The following HCN2 variants were observed in gnomAD, a reference collection of about 807,000 sequenced individuals.
HCN2 encodes the protein potassium/sodium hyperpolarization-activated cyclic nucleotide-gated channel 2.
In HCN2, 20 loss-of-function variants were observed where a neutral mutation model predicts 52.3. The observed-to-expected ratio is 0.38, with a 90% CI of 0.27 to 0.56. The LOEUF is 0.56. Among genes scored for constraint, HCN2 ranks in the 20% least tolerant of loss-of-function variants. The pLI is 0.71. For synonymous variants in HCN2, 694 were observed against 537.0 expected, an observed-to-expected ratio of 1.29 and a Z score of -4.04; for missense variants, 981 against 1,207.7, an observed-to-expected ratio of 0.81 and a Z score of 2.78.
chr19:591,796 G>T lies in HCN2; in HGVS notation c.632+1219G>T, dbSNP rs1227773225. Among the ~76,000 whole-genome samples, 1 of 152,194 alleles carries T rather than the reference G, an allele frequency of 6.6e-6. No homozygotes were observed. ...CTGGACCCCCGGAACTGGGCAGGGA[G>T]GCTGTGGGGTTCTCTCTTCCCCTGG... On this transcript the variant is annotated intron_variant, in intron 1 of 7. Transcript: ENST00000251287. The surrounding 1 kb of genome is among the most constrained non-coding windows in gnomAD (Gnocchi z 4.1).
intron 1 of HCN2, among the ~76,000 whole-genome samples, chr19:598,241 T>C (rs1405087213): frequency 4.6e-5 from 7 of 151,922 alleles, no homozygotes; most frequent in African/African-American, 1.7e-4. Context: ...AAATTTCTAG[T>C]CCTTTTAGTC....
intron 2 of HCN2, among the ~76,000 whole-genome samples, chr19:604,744 G>A (rs1474885393): frequency 1.4e-5 from 2 of 140,810 alleles, no homozygotes; most frequent in Non-Finnish European, 3.1e-5. Flanking sequence ...GGGATATGAG[G>A]GTTGTGCTGG....
chr19:596,506 C>G (rs182406955), intron 1 of HCN2, among the ~76,000 whole-genome samples: 1 of 152,250 alleles, frequency 6.6e-6, no homozygotes, highest in Non-Finnish European at 1.5e-5. Flanking sequence ...GTGGCAGGAC[C>G]CCCGCGTTTC....
chr19:617,062 C>G lies in HCN2; in HGVS notation c.*588C>G. ...GGGTCCCGCCGCCGTGATGAATGTA[C>G]TGACGAGCCGAGGCAGCAGTGCCCC... is the stretch of plus-strand genomic sequence containing the variant. On this transcript the variant is annotated 3_prime_UTR_variant, in exon 8 of 8. Transcript: ENST00000251287. The G allele has an allele frequency of 1.7e-6, 1 of 572,454 alleles. No individual in the cohort carries two copies. 35.5% of individuals were successfully genotyped at this position (572,454 alleles called of 1,614,324 possible). A position where few individuals can be genotyped will look rare whatever the true frequency, so the allele number is the denominator to read the frequency against.
rs1245651415 is a variant in HCN2 at position 616,320 on chromosome 19, G to A, written c.2516G>A (p.Arg839His). 2.6e-6 allele frequency: 3 copies of A among 1,160,822 alleles called. No homozygotes were observed. Among genetic ancestry groups the A allele is most frequent in the Non-Finnish European group, 3.2e-6 (3 of 934,084 alleles). The allele number at this position is 1,160,822 out of a possible 1,614,324, so 71.9% of individuals were successfully genotyped here. ...GCCCCCGGCCCCGCGGCCTCCACAC[G>A]CCCGGCCAGCAGCTCCACACCGCGC... is the stretch of plus-strand genomic sequence containing the variant. ...HGAPGPAASTRPASSSTPRLG... is the reference protein window; with the variant it reads ...HGAPGPAASTHPASSSTPRLG... The change falls in exon 8 of 8, where the codon CGC becomes CAC. Residue 839 changes from arginine to histidine, a missense_variant. This residue lies in a region of HCN2 where 368 missense variants were observed against 314.8 expected (regional missense o/e 1.17). Transcript: ENST00000251287.
chr19:616,499 C>T lies in HCN2; in HGVS notation c.*25C>T. 4.1e-6 allele frequency: 5 copies of T among 1,206,030 alleles called. No individual in the cohort carries two copies. Among genetic ancestry groups the T allele is most frequent in the Non-Finnish European group, 5.2e-6 (5 of 967,638 alleles). 74.7% of individuals were successfully genotyped at this position (1,206,030 alleles called of 1,614,324 possible). The stretch of plus-strand genomic sequence containing the variant: ...ACCCTCGCCGACCGCCCCGCGGGCC[C>T]AGGCGGGCCGGGGGCGGGGCCGTCA... On this transcript the variant is annotated 3_prime_UTR_variant, in exon 8 of 8. Coordinates refer to ENST00000251287, the MANE Select transcript of HCN2 (RefSeq NM_001194.4).
intron 6 of HCN2, 31 bp downstream of exon 6, chr19:613,519 G>A: frequency 9.5e-7 from 1 of 1,058,170 alleles, no homozygotes; most frequent in South Asian, 1.3e-5. Flanking sequence ...CCTGGAGGGG[G>A]AGGGGGCACG....
intron 1 of HCN2, among the ~76,000 whole-genome samples, chr19:602,118 A>C (rs1332827385): frequency 1.7e-5 from 2 of 118,608 alleles, no homozygotes; most frequent in Non-Finnish European, 3.4e-5. Context: ...TCCTGCGTGG[A>C]CGCCCCACTC....
At chr19:612,848 T>C (rs1232403506) in intron 5 of HCN2, among the ~76,000 whole-genome samples, 2 of 131,150 alleles carry the variant, frequency 1.5e-5, no homozygotes, top group African/African-American at 5.8e-5. Context: ...CTGGCTGTTT[T>C]TTTTTTTTCC....
chr19:613,666 G>T (rs1377406589), intron 6 of HCN2, among the ~76,000 whole-genome samples, 178 bp downstream of exon 6: 16 of 90,586 alleles, frequency 1.8e-4, no homozygotes, highest in Non-Finnish European at 2.7e-4. Context: ...TGGGGCCGGG[G>T]ATGGGGATGG....
chr19:596,955 C>G (rs1983049278), intron 1 of HCN2, among the ~76,000 whole-genome samples: 1 of 152,166 alleles, frequency 6.6e-6, no homozygotes, highest in East Asian at 1.9e-4. Context: ...CTGCAGGGCT[C>G]TGGGGTCCCC....
chr19:593,312 G>A (rs1982927973), intron 1 of HCN2, among the ~76,000 whole-genome samples: 1 of 152,242 alleles, frequency 6.6e-6, no homozygotes, highest in South Asian at 2.1e-4. Context: ...TGGGCGGCTG[G>A]CCCCTTTGGA....
chr19:600,498 G>A (rs1206203572), intron 1 of HCN2, among the ~76,000 whole-genome samples: 4 of 151,968 alleles, frequency 2.6e-5, no homozygotes, highest in Admixed American at 6.6e-5. Context: ...GTGCCATCAT[G>A]CCCAGCCAAT....
chr19:616,597 A>G lies in HCN2; in HGVS notation c.*123A>G, dbSNP rs916318381. On this transcript the variant is annotated 3_prime_UTR_variant, in exon 8 of 8. Transcript: ENST00000251287. ...CAGAAGCCATAGACGAGACGTAGGT[A>G]GCCGTAGTTGGACGGACGGGCAGGG... 1 of 554,528 alleles carries G rather than the reference A, an allele frequency of 1.8e-6. No individual in the cohort carries two copies. The highest frequency in any genetic ancestry group is 2.5e-6 in the Non-Finnish European group (1 of 404,926). The allele number at this position is 554,528 out of a possible 1,614,324, so 34.4% of individuals were successfully genotyped here. A position where few individuals can be genotyped will look rare whatever the true frequency, so the allele number is the denominator to read the frequency against.
Position 590,480 on chromosome 19 carries a change from T to C in HCN2, c.535T>C (p.Ser179Pro). The C allele has an allele frequency of 6.6e-7, 1 of 1,523,022 alleles. No individual in the cohort carries two copies. The highest frequency in any genetic ancestry group is 8.8e-7 in the Non-Finnish European group (1 of 1,130,564). The allele number at this position is 1,523,022 out of a possible 1,614,324, so 94.3% of individuals were successfully genotyped here. ...CCTGCAGCCGGGCGTCAACAAGTTC[T>C]CGCTGCGGATGTTCGGCAGCCAGAA... ...ALLQPGVNKF[S>P]LRMFGSQKAV... Residue 179 changes from serine (S) to proline (P), a missense_variant, in exon 1 of 8, where the codon TCG (serine) becomes CCG (proline). Ser to Pro is a moderately conservative substitution (Grantham distance 74). Around this residue, in one of 6 missense-constraint regions of HCN2, gnomAD observed 8 missense variants for 33.2 expected, o/e 0.24. Coordinates refer to ENST00000251287, the MANE Select transcript of HCN2 (RefSeq NM_001194.4). The surrounding 1 kb of genome is among the most constrained non-coding windows in gnomAD (Gnocchi z 7.2).
chr19:599,339 C>G (rs1044005552), intron 1 of HCN2, among the ~76,000 whole-genome samples: 6 of 152,200 alleles, frequency 3.9e-5, no homozygotes, highest in African/African-American at 1.4e-4. Context: ...AACAAAGGTC[C>G]CGGCGGCCAC....
chr19:600,243 G>A (rs1204360730), intron 1 of HCN2, among the ~76,000 whole-genome samples: 1 of 152,134 alleles, frequency 6.6e-6, no homozygotes, highest in African/African-American at 2.4e-5. Flanking sequence ...CACGATCTCG[G>A]CTCACTGCAA....
intron 1 of HCN2, among the ~76,000 whole-genome samples, chr19:600,627 G>T (rs996344796): frequency 6.6e-6 from 1 of 151,528 alleles, no homozygotes; most frequent in Admixed American, 6.6e-5. Context: ...TTACAGACGT[G>T]AGCCACCACA....
rs150450135 is a variant in HCN2 at position 595,679 on chromosome 19, G to A, written c.632+5102G>A. On this transcript the variant is annotated intron_variant, in intron 1 of 7. Transcript: ENST00000251287. ...GTGGTCATCGTGTGCCCCGGCGCCC[G>A]GCGAGAGTTCGGTGAACATCTGCCC... 1.5e-3 allele frequency among the ~76,000 whole-genome samples: 229 copies of A among 152,264 alleles called. 1 individual carries two copies. Among genetic ancestry groups the A allele is most frequent in the Middle Eastern group, 6.8e-3 (2 of 294 alleles).
Sources: allele counts gnomAD v4.1 joint callset (sites outside exome capture counted in the v4.1 genomes callset), GRCh38; gene constraint gnomAD v4.1.1; regional missense constraint gnomAD v4.1.1; non-coding constraint Gnocchi (gnomAD v3.1); transcripts MANE v1.5; gene names NCBI Gene and HGNC (gene_info 2026-07-23, HGNC 2026-07-21).